The following DIP2C variants were observed in gnomAD, a reference collection of about 807,000 sequenced individuals.
DIP2C encodes DIP2 acetate--CoA ligase C (putative), also known as disco-interacting protein 2 homolog C.
A neutral mutation model predicts 192.4 loss-of-function variants in DIP2C; 33 were observed. The observed-to-expected ratio is 0.17, with a 90% CI of 0.13 to 0.23. The LOEUF (loss-of-function observed/expected upper bound fraction) is 0.23. Among genes scored for constraint, DIP2C ranks in the 10% least tolerant of loss-of-function variants. The probability of loss-of-function intolerance (pLI) is 1.00; values close to 1 mark genes in which losing one functional copy is unlikely to be tolerated. For missense variants in DIP2C, 1,537 were observed against 2,110.1 expected (o/e 0.73, Z 5.32); for synonymous variants, 979 against 864.1 (o/e 1.13, Z -2.33).
At chr10:316,635 G>A (rs1211702077) in intron 31 of DIP2C, among the ~76,000 whole-genome samples, 2 of 152,206 alleles carry the variant, frequency 1.3e-5, no homozygotes, top group African/African-American at 4.8e-5. Flanking sequence ...CCAGGGCTCT[G>A]CTGGGTGATC....
At chr10:337,073 T>TGTG (rs374638763) in intron 29 of DIP2C, among the ~76,000 whole-genome samples, 20 of 71,518 alleles carry the variant, frequency 2.8e-4, no homozygotes, top group South Asian at 5.6e-4. Context: ...TGTGTGTGTG[T>TGTG]TGTGGAGGCC....
chr10:491,625 T>C (rs1270846397), intron 1 of DIP2C, among the ~76,000 whole-genome samples: 3 of 152,184 alleles, frequency 2.0e-5, no homozygotes, highest in South Asian at 2.1e-4. Flanking sequence ...CTAACTAGTG[T>C]GGGTCGCATT....
intron 31 of DIP2C, among the ~76,000 whole-genome samples, chr10:325,745 A>T (rs1957243090): frequency 6.6e-6 from 1 of 152,248 alleles, no homozygotes; most frequent in Non-Finnish European, 1.5e-5. Flanking sequence ...ATGACCTCTT[A>T]GAAAAGGGTA....
At chr10:497,573 C>T (rs375258135) in intron 1 of DIP2C, among the ~76,000 whole-genome samples, 3 of 152,318 alleles carry the variant, frequency 2.0e-5, no homozygotes, top group Middle Eastern at 3.4e-3. Context: ...TTCTTCCAGA[C>T]GCTCATACAA....
At chr10:682,744 CAA>C (rs78896185) in intron 1 of DIP2C, among the ~76,000 whole-genome samples, 3 of 141,652 alleles carry the variant, frequency 2.1e-5, no homozygotes, top group African/African-American at 7.6e-5. Flanking sequence ...GATAATTCAG[CAA>C]AAAAAAAAAA....
chr10:378,436 T>C (rs944870344), intron 17 of DIP2C, among the ~76,000 whole-genome samples: 5 of 152,140 alleles, frequency 3.3e-5, no homozygotes, highest in African/African-American at 1.2e-4. Context: ...TGAACAGGCA[T>C]GCATAAAGAC....
chr10:657,684 GCTGGACCTGACACTGGACCTGCCC>G (rs1856457993), intron 1 of DIP2C, among the ~76,000 whole-genome samples: 1 of 82,574 alleles, frequency 1.2e-5, no homozygotes, highest in African/African-American at 4.5e-5. Flanking sequence ...TGGACCTGAT[GCTGGACCTGACACTGGACCTGCCC>G]CTGGACCTGC....
chr10:449,552 G>C (rs1202630160), intron 3 of DIP2C, among the ~76,000 whole-genome samples: 2 of 147,928 alleles, frequency 1.4e-5, no homozygotes, highest in Non-Finnish European at 3.0e-5. Flanking sequence ...CCAGGCTAAG[G>C]AGTGAGTAAG....
chr10:613,526 A>C (rs563437476), intron 1 of DIP2C, among the ~76,000 whole-genome samples: 1 of 152,224 alleles, frequency 6.6e-6, no homozygotes, highest in Non-Finnish European at 1.5e-5. Context: ...TTGACCAGGC[A>C]AACAACTGCA....
intron 1 of DIP2C, among the ~76,000 whole-genome samples, chr10:569,202 A>G (rs985516758): frequency 1.3e-5 from 2 of 152,252 alleles, no homozygotes; most frequent in South Asian, 2.1e-4. Flanking sequence ...CCCACAAGGC[A>G]TAACACATTG....
intron 1 of DIP2C, among the ~76,000 whole-genome samples, chr10:489,368 G>T (rs1055268204): frequency 3.9e-5 from 6 of 152,238 alleles, no homozygotes; most frequent in Non-Finnish European, 8.8e-5. Context: ...ATAGGTGACA[G>T]GTAGATAATA....
intron 26 of DIP2C, 34 bp downstream of exon 26, chr10:348,607 C>T (rs769051036): frequency 1.9e-6 from 3 of 1,604,672 alleles, no homozygotes; most frequent in Non-Finnish European, 2.6e-6. Flanking sequence ...CAGCTCCAGG[C>T]AGGTGGAGGC....
In DIP2C at chr10:417,621, CG is replaced by C. The variant is rs1564684268; in HGVS notation, c.739+1443del. On this transcript the variant is annotated intron_variant, in intron 6 of 36. Coordinates refer to ENST00000280886, the MANE Select transcript of DIP2C (RefSeq NM_014974.3). ...TAGGATAGGCATCCCTGTCTGCCTG[CG>C]CCTGTCAGGGCTCGGATAGGCCTCC... is the stretch of plus-strand genomic sequence containing the variant. Among the ~76,000 whole-genome samples the C allele has an allele frequency of 5.5e-4, 81 of 147,440 alleles. 2 individuals are homozygous for C. The highest frequency in any genetic ancestry group is 1.9e-4 in the Non-Finnish European group (13 of 66,892).
chr10:451,716 T>G (rs1169095786), intron 3 of DIP2C, among the ~76,000 whole-genome samples: 2 of 152,190 alleles, frequency 1.3e-5, no homozygotes, highest in Admixed American at 6.5e-5. Flanking sequence ...CTGCCTTGAG[T>G]GTAACCACTT....
chr10:609,249 G>A (rs1457423611), intron 1 of DIP2C, among the ~76,000 whole-genome samples: 1 of 152,080 alleles, frequency 6.6e-6, no homozygotes, highest in East Asian at 1.9e-4. Flanking sequence ...CTTTCCAAAA[G>A]TAAATTCTGG....
chr10:353,254 G>A (rs546061363), intron 24 of DIP2C, among the ~76,000 whole-genome samples: 13 of 151,798 alleles, frequency 8.6e-5, no homozygotes, highest in Middle Eastern at 3.4e-3. Context: ...CCATTTTAAC[G>A]TTTCACATTA....
intron 29 of DIP2C, among the ~76,000 whole-genome samples, chr10:338,199 T>A (rs190553601): frequency 1.3e-5 from 2 of 152,314 alleles, no homozygotes; most frequent in East Asian, 3.9e-4. Flanking sequence ...AATTAAAACG[T>A]TAAGGTTAAA....
chr10:551,975 G>A (rs1448858625), intron 1 of DIP2C, among the ~76,000 whole-genome samples: 2 of 152,234 alleles, frequency 1.3e-5, no homozygotes, highest in Non-Finnish European at 2.9e-5. Flanking sequence ...TGTGATCTGA[G>A]AACAGCCACA....
intron 1 of DIP2C, among the ~76,000 whole-genome samples, chr10:591,148 GTC>G (rs1229874570): frequency 6.6e-6 from 1 of 152,126 alleles, no homozygotes; most frequent in Non-Finnish European, 1.5e-5. Flanking sequence ...TTTAGATGGA[GTC>G]TCTGCTCTGT....
Sources: allele counts gnomAD v4.1 joint callset (sites outside exome capture counted in the v4.1 genomes callset), GRCh38; gene constraint gnomAD v4.1.1; transcripts MANE v1.5; gene names NCBI Gene and HGNC (gene_info 2026-07-23, HGNC 2026-07-21).